Variants in PMPCB observed in about 807,000 individuals in gnomAD.
PMPCB encodes mitochondrial-processing peptidase subunit beta.
In PMPCB, 46 loss-of-function variants were observed where a neutral mutation model predicts 61.5. That is an observed-to-expected ratio of 0.75 (90% CI 0.59 to 0.96). PMPCB has a LOEUF of 0.96. PMPCB is among the 40% of genes least tolerant of loss of function. The pLI is 0.00. For synonymous variants in PMPCB, 191 were observed against 201.6 expected (o/e 0.95, Z 0.44); for missense variants, 590 against 602.4 (o/e 0.98, Z 0.22).
chr7:103,324,528 C>T, intron 12 of PMPCB: 1 of 1,492,028 alleles, frequency 6.7e-7, no homozygotes, highest in East Asian at 2.4e-5. Context: ...GAATTCATAT[C>T]ACCAAGTTTA....
the PMPCB span, among the ~76,000 whole-genome samples, chr7:103,339,722 C>A: frequency 0.089 from 13,580 of 152,054 alleles, 640 homozygotes; most frequent in South Asian, 0.13. Context: ...CTGTTTCAGC[C>A]TCCTGAGTAG....
rs780443325 is a variant in PMPCB at position 103,303,823 on chromosome 7, A to G, written c.458-19A>G. The G allele has an allele frequency of 1.3e-6, 2 of 1,552,720 alleles. No individual in the cohort carries two copies. Among genetic ancestry groups the G allele is most frequent in the South Asian group, 1.2e-5 (1 of 84,110 alleles). ...GTTAAGATTGCTGGCACGTTTTCTT[A>G]TATTTTATTTTCAATTAGCTGTAGA... is the stretch of plus-strand genomic sequence containing the variant. On this transcript the variant is annotated intron_variant, in intron 4 of 12. Coordinates refer to ENST00000249269, the MANE Select transcript of PMPCB (RefSeq NM_004279.3).
chr7:103,332,081 T>C (rs926167529), downstream of PMPCB, among the ~76,000 whole-genome samples: 1 of 151,938 alleles, frequency 6.6e-6, no homozygotes, highest in African/African-American at 2.4e-5. Context: ...CTTGGCTCAC[T>C]GCATGCTCTG....
chr7:103,304,267 G>A, intron 5 of PMPCB, 144 bp from the exon 6 acceptor site: 1 of 666,064 alleles, frequency 1.5e-6, no homozygotes, highest in Non-Finnish European at 2.6e-6. Flanking sequence ...TGTAAAAAAG[G>A]TGAAGTTCTT....
At chr7:103,298,073 C>A in intron 1 of PMPCB, 2 of 420,272 alleles carry the variant, frequency 4.8e-6, no homozygotes, top group South Asian at 2.8e-5. Flanking sequence ...AGTTTCTGGC[C>A]GAAAAGCCAG....
chr7:103,342,929 G>T, the PMPCB span, among the ~76,000 whole-genome samples: 1 of 150,994 alleles, frequency 6.6e-6, no homozygotes. Flanking sequence ...TTTTAATAAA[G>T]TAATAAATAG....
At chr7:103,347,079 T>A in the PMPCB span, among the ~76,000 whole-genome samples, 1 of 152,238 alleles carries the variant, frequency 6.6e-6, no homozygotes, top group Non-Finnish European at 1.5e-5. Context: ...TCATACTGTT[T>A]CCCACAGCAG....
chr7:103,310,385 C>G lies in PMPCB; in HGVS notation c.1064C>G (p.Thr355Ser). The change falls in exon 9 of 13, where the codon ACT becomes AGT. Residue 355 changes from threonine to serine, a missense_variant. Transcript: ENST00000249269. ...NLCHSFQSFN[T>S]SYTDTGLWGL... The stretch of plus-strand genomic sequence containing the variant: ...TGCCATAGCTTTCAGTCTTTCAACA[C>G]TTCCTACACAGATACAGGATTATGG... 6.2e-7 allele frequency: 1 copy of G among 1,613,176 alleles called. No homozygotes were observed. The highest frequency in any genetic ancestry group is 1.7e-4 in the Middle Eastern group (1 of 6,058).
intron 1 of PMPCB, 94 bp downstream of exon 1, chr7:103,297,652 T>C: frequency 6.4e-7 from 1 of 1,567,976 alleles, no homozygotes; most frequent in Non-Finnish European, 8.6e-7. Context: ...GAACAGTGGG[T>C]CGGGCAGGGC....
chr7:103,322,647 A>G (rs749238023), intron 12 of PMPCB: 2 of 1,613,078 alleles, frequency 1.2e-6, no homozygotes, highest in South Asian at 2.2e-5. Flanking sequence ...CAAAAGAAAA[A>G]GTTAATCTCA....
chr7:103,327,304 T>C, intron 12 of PMPCB: 1 of 1,218,698 alleles, frequency 8.2e-7, no homozygotes, highest in Non-Finnish European at 1.1e-6. Context: ...AAAATCTTAG[T>C]ATTCTCATCA....
intron 8 of PMPCB, 189 bp downstream of exon 8, chr7:103,309,284 A>G (rs1817674361): frequency 8.9e-6 from 4 of 448,462 alleles, no homozygotes; most frequent in Non-Finnish European, 1.5e-5. Context: ...TTTCTTTGCC[A>G]CAAAGTTTAT....
At chr7:103,337,635 A>G in the PMPCB span, 8 of 917,798 alleles carry the variant, frequency 8.7e-6, no homozygotes, top group East Asian at 2.0e-4. Context: ...TGTTAAATGT[A>G]GTTATGGCTG....
intron 4 of PMPCB, among the ~76,000 whole-genome samples, chr7:103,301,966 G>A (rs561334554): frequency 6.6e-6 from 1 of 151,972 alleles, no homozygotes; most frequent in Non-Finnish European, 1.5e-5. Flanking sequence ...ACCACCCCAC[G>A]ACAGGCTCCG....
chr7:103,321,947 A>C (rs776698613), intron 12 of PMPCB: 1 of 1,613,190 alleles, frequency 6.2e-7, no homozygotes, highest in Non-Finnish European at 8.5e-7. Context: ...ATGAGTTTCG[A>C]AGTTTTTGCC....
chr7:103,344,607 T>C, the PMPCB span: 1 of 1,612,070 alleles, frequency 6.2e-7, no homozygotes, highest in African/African-American at 1.3e-5. Context: ...TCCGCGGCGC[T>C]TGGCAGAAGC....
chr7:103,322,555 C>T, intron 12 of PMPCB: 1 of 1,579,134 alleles, frequency 6.3e-7, no homozygotes, highest in Non-Finnish European at 8.7e-7. Flanking sequence ...TCTGCTTTTG[C>T]TTTCTTTTCT....
At chr7:103,330,771 G>A (rs1395155396), downstream of PMPCB, among the ~76,000 whole-genome samples, 1 of 150,674 alleles carries the variant, frequency 6.6e-6, no homozygotes, top group Admixed American at 6.6e-5. Flanking sequence ...TTGTAGGGGA[G>A]GGGTTTCGTC....
intron 12 of PMPCB, chr7:103,327,512 T>A: frequency 4.3e-6 from 3 of 696,804 alleles, no homozygotes; most frequent in Middle Eastern, 2.5e-4. Context: ...GGGGTGATGA[T>A]TAGAAAGAAC....
Sources: allele counts gnomAD v4.1 joint callset (sites outside exome capture counted in the v4.1 genomes callset), GRCh38; gene constraint gnomAD v4.1.1; transcripts MANE v1.5; gene names NCBI Gene and HGNC (gene_info 2026-07-23, HGNC 2026-07-21).